The following SNTG1 variants were observed in gnomAD, a reference collection of about 807,000 sequenced individuals.
The protein encoded by SNTG1 is gamma-1-syntrophin.
In SNTG1, 39 loss-of-function variants were observed where a neutral mutation model predicts 74.7. The observed-to-expected ratio is 0.52, with a 90% CI of 0.40 to 0.68. The LOEUF is 0.68. Ranked by LOEUF, SNTG1 falls within the 30% of genes least tolerant of loss-of-function variation. The pLI is 0.00. For synonymous variants in SNTG1, 254 were observed against 217.1 expected (o/e 1.17, Z -1.49); for missense variants, 685 against 609.5 (o/e 1.12, Z -1.30).
intron 12 of SNTG1, among the ~76,000 whole-genome samples, chr8:50,574,874 C>T (rs966081507): frequency 1.7e-4 from 26 of 152,044 alleles, no homozygotes; most frequent in Admixed American, 1.4e-3. Context: ...ATGAACCTAG[C>T]TTGACTTTAT....
At chr8:50,229,366 A>T (rs2085498940) in intron 2 of SNTG1, among the ~76,000 whole-genome samples, 1 of 151,594 alleles carries the variant, frequency 6.6e-6, no homozygotes, top group Non-Finnish European at 1.5e-5. Flanking sequence ...CACTTTAAAT[A>T]TAAAGAATTA....
At chr8:50,141,630 C>A (rs541409495) in intron 1 of SNTG1, among the ~76,000 whole-genome samples, 1 of 152,128 alleles carries the variant, frequency 6.6e-6, no homozygotes, top group South Asian at 2.1e-4. Context: ...ACTATGTGAT[C>A]ATTAAGATAC....
At chr8:50,386,704 A>T (rs1329472977) in intron 2 of SNTG1, among the ~76,000 whole-genome samples, 1 of 151,710 alleles carries the variant, frequency 6.6e-6, no homozygotes, top group African/African-American at 2.4e-5. Flanking sequence ...ATGTGGTAAG[A>T]GAGGAAGCAA....
chr8:49,929,137 A>G (rs1807318101), intron 1 of SNTG1, among the ~76,000 whole-genome samples: 1 of 152,238 alleles, frequency 6.6e-6, no homozygotes, highest in South Asian at 2.1e-4. Flanking sequence ...TAAAATCAAG[A>G]TAACATTTAT....
At chr8:50,088,284 C>A (rs1823104791) in intron 1 of SNTG1, among the ~76,000 whole-genome samples, 1 of 148,284 alleles carries the variant, frequency 6.7e-6, no homozygotes, top group African/African-American at 2.5e-5. Flanking sequence ...TATGACAAAC[C>A]CACAGCCAAT....
chr8:49,928,145 T>TAATTAATA (rs1807205293), intron 1 of SNTG1, among the ~76,000 whole-genome samples: 1 of 138,084 alleles, frequency 7.2e-6, no homozygotes, highest in African/African-American at 2.7e-5. Context: ...TCTCAAAAAA[T>TAATTAATA]AATAAATAAA....
chr8:50,612,062 C>A (rs2094854321), intron 13 of SNTG1, among the ~76,000 whole-genome samples: 1 of 152,116 alleles, frequency 6.6e-6, no homozygotes, highest in Admixed American at 6.6e-5. Flanking sequence ...CCGGACAAGA[C>A]CCTGTCTTTA....
At chr8:50,218,124 ATT>A (rs2131965512) in intron 2 of SNTG1, among the ~76,000 whole-genome samples, 1 of 152,288 alleles carries the variant, frequency 6.6e-6, no homozygotes, top group African/African-American at 2.4e-5. Flanking sequence ...AATAGTTAAA[ATT>A]TTCACTCTCA....
chr8:50,003,800 A>G (rs1409170860), intron 1 of SNTG1, among the ~76,000 whole-genome samples: 2 of 152,174 alleles, frequency 1.3e-5, no homozygotes, highest in African/African-American at 4.8e-5. Context: ...AAAACACCCA[A>G]ATGAAAACTG....
intron 2 of SNTG1, among the ~76,000 whole-genome samples, chr8:50,371,621 A>T (rs2092270461): frequency 6.6e-6 from 1 of 152,138 alleles, no homozygotes; most frequent in Non-Finnish European, 1.5e-5. Context: ...CACTACTAAA[A>T]AGGCAATTTT....
intron 2 of SNTG1, among the ~76,000 whole-genome samples, chr8:50,325,031 TC>T (rs2090687702): frequency 7.4e-6 from 1 of 134,740 alleles, no homozygotes; most frequent in Non-Finnish European, 1.6e-5. Flanking sequence ...CACAGATAGA[TC>T]AATAGAACAG....
chr8:50,346,458 G>A (rs533058173), intron 2 of SNTG1, among the ~76,000 whole-genome samples: 2 of 152,150 alleles, frequency 1.3e-5, no homozygotes, highest in East Asian at 1.9e-4. Flanking sequence ...TGGGGCCTCC[G>A]TATTCCCTGA....
chr8:50,748,320 G>A (rs1422880239), intron 17 of SNTG1, among the ~76,000 whole-genome samples: 1 of 151,890 alleles, frequency 6.6e-6, no homozygotes, highest in Non-Finnish European at 1.5e-5. Context: ...TGGAGAACAG[G>A]CATTTTACCA....
At chr8:50,018,361 T>C (rs191288980) in intron 1 of SNTG1, among the ~76,000 whole-genome samples, 5 of 152,134 alleles carry the variant, frequency 3.3e-5, no homozygotes, top group Admixed American at 2.6e-4. Context: ...ACTCAACTAA[T>C]TTATGACAAC....
chr8:50,629,132 C>G (rs968184438), intron 13 of SNTG1, among the ~76,000 whole-genome samples: 1 of 152,092 alleles, frequency 6.6e-6, no homozygotes, highest in Non-Finnish European at 1.5e-5. Flanking sequence ...AAGATAATTT[C>G]TGGGGATCTA....
At chr8:50,091,742 A>C (rs930098708) in intron 1 of SNTG1, among the ~76,000 whole-genome samples, 13 of 152,284 alleles carry the variant, frequency 8.5e-5, no homozygotes, top group African/African-American at 2.6e-4. Flanking sequence ...CTGCCTGATG[A>C]TATCCCTGAA....
At chr8:50,364,939 C>CT (rs2092067779) in intron 2 of SNTG1, among the ~76,000 whole-genome samples, 1 of 151,892 alleles carries the variant, frequency 6.6e-6, no homozygotes, top group Non-Finnish European at 1.5e-5. Context: ...TCATTTAAGG[C>CT]TTTTTGCAAA....
intron 2 of SNTG1, among the ~76,000 whole-genome samples, chr8:50,256,870 G>T (rs551072935): frequency 5.9e-5 from 9 of 152,062 alleles, no homozygotes; most frequent in African/African-American, 2.2e-4. Context: ...ATTTATTCAA[G>T]GAAAGCTACT....
Position 50,793,993 on chromosome 8 carries a change from A to G in SNTG1, c.*1164A>G, listed in dbSNP as rs958707566. ...TAAATGTGAAAGGCTGGGAAATTTGAAAGCCTTAGAGGTGTGCAATTTACT... is the reference window on the plus strand; with the variant it reads ...TAAATGTGAAAGGCTGGGAAATTTGGAAGCCTTAGAGGTGTGCAATTTACT... On this transcript the variant is annotated 3_prime_UTR_variant, in exon 19 of 19. Coordinates refer to ENST00000642720, the MANE Select transcript of SNTG1 (RefSeq NM_018967.5). The G allele has an allele frequency of 2.6e-5, 4 of 151,896 alleles. No individual in the cohort carries two copies. Among genetic ancestry groups the G allele is most frequent in the African/African-American group, 9.7e-5 (4 of 41,396 alleles). 9.4% of individuals were successfully genotyped at this position (151,896 alleles called of 1,614,324 possible).
Sources: allele counts gnomAD v4.1 joint callset (sites outside exome capture counted in the v4.1 genomes callset), GRCh38; gene constraint gnomAD v4.1.1; transcripts MANE v1.5; gene names NCBI Gene and HGNC (gene_info 2026-07-23, HGNC 2026-07-21).